Variants in RELN observed in about 807,000 individuals in gnomAD.
RELN encodes reelin.
Under a neutral mutation model 427.6 loss-of-function variants are expected in RELN, and 108 were observed. The observed-to-expected ratio is 0.25, with a 90% CI of 0.22 to 0.30. RELN has a LOEUF of 0.30. RELN is among the 10% of genes least tolerant of loss of function. The pLI is 1.00. For synonymous variants in RELN, 1,524 were observed against 1,513.4 expected, an observed-to-expected ratio of 1.01 and a Z score of -0.16; for missense variants, 3,715 against 4,302.8, an observed-to-expected ratio of 0.86 and a Z score of 3.82.
intron 20 of RELN, among the ~76,000 whole-genome samples, chr7:103,629,199 A>T (rs1832397724): frequency 6.6e-6 from 1 of 152,200 alleles, no homozygotes; most frequent in Non-Finnish European, 1.5e-5. Flanking sequence ...TTTCCTATGT[A>T]AAGTAGCCAG....
intron 2 of RELN, among the ~76,000 whole-genome samples, chr7:103,913,779 T>C (rs1479825331): frequency 2.0e-5 from 3 of 152,236 alleles, no homozygotes; most frequent in Non-Finnish European, 4.4e-5. Context: ...AAATTAACTT[T>C]GTTATATAAT....
rs1328422915 is a variant in RELN at position 103,596,673 on chromosome 7, G to T, written c.3334-12C>A. ...TGTCTTTTCCCAGCCTTTCAGAAAA[G>T]AAGAAAAATCAAATTCAGTAATCTG... is the stretch of plus-strand genomic sequence containing the variant. On this transcript the variant is annotated splice_polypyrimidine_tract_variant and intron_variant, in intron 24 of 64. Transcript: ENST00000428762. 6.2e-7 allele frequency: 1 copy of T among 1,612,508 alleles called. No homozygotes were observed. The highest frequency in any genetic ancestry group is 1.3e-5 in the African/African-American group (1 of 74,872).
chr7:103,726,628 C>A (rs922154562), intron 7 of RELN, among the ~76,000 whole-genome samples: 2 of 152,002 alleles, frequency 1.3e-5, no homozygotes, highest in Non-Finnish European at 2.9e-5. Context: ...GCATTATATT[C>A]TTAGATATTT....
At chr7:103,753,311 A>C in intron 4 of RELN, 97 bp from the exon 5 acceptor site, 1 of 1,265,814 alleles carries the variant, frequency 7.9e-7, no homozygotes. Flanking sequence ...CTTAAGTCAC[A>C]TTAAGCAAAT....
chr7:103,899,552 T>G (rs1795037151), intron 2 of RELN, among the ~76,000 whole-genome samples: 1 of 152,150 alleles, frequency 6.6e-6, no homozygotes, highest in Admixed American at 6.6e-5. Flanking sequence ...TATAAAATAC[T>G]AGCAAACCGA....
intron 33 of RELN, among the ~76,000 whole-genome samples, chr7:103,565,788 T>C (rs996944464): frequency 5.9e-5 from 9 of 152,232 alleles, no homozygotes; most frequent in African/African-American, 1.9e-4. Flanking sequence ...GCTAACATAT[T>C]ATCTTTAAAA....
At chr7:103,686,270 G>A (rs1833762842) in intron 10 of RELN, among the ~76,000 whole-genome samples, 2 of 152,128 alleles carry the variant, frequency 1.3e-5, no homozygotes, top group Non-Finnish European at 2.9e-5. Context: ...TTAAGGAGTT[G>A]TCACTCAGCC....
At chr7:103,687,352 A>G (rs1304010691) in intron 10 of RELN, among the ~76,000 whole-genome samples, 1 of 152,132 alleles carries the variant, frequency 6.6e-6, no homozygotes, top group African/African-American at 2.4e-5. Flanking sequence ...CTGCAAGATA[A>G]CATGGAGTGG....
chr7:103,656,122 C>T (rs1177237703), intron 12 of RELN, among the ~76,000 whole-genome samples: 1 of 151,978 alleles, frequency 6.6e-6, no homozygotes, highest in African/African-American at 2.4e-5. Context: ...TCTGATTGGC[C>T]AGGTGTCTTC....
chr7:103,557,123 A>G lies in RELN; in HGVS notation c.5651T>C (p.Phe1884Ser). The change falls in exon 38 of 65, where the codon TTC becomes TCC. Residue 1884 changes from phenylalanine (F) to serine (S), a missense_variant. By Grantham distance (155) the Phe-to-Ser change is radical (BLOSUM62 -2). Transcript: ENST00000428762. Reference sequence around the variant, plus strand: ...CCAAGTGATTCCTCCACTGATGGAGAATTGTAACAGAATAGAGTGAGATCT... The same window carrying G: ...CCAAGTGATTCCTCCACTGATGGAGGATTGTAACAGAATAGAGTGAGATCT... ...PERSHSILLQ[F>S]SISGGITWHL... is the part of the protein sequence containing the mutation. The G allele has an allele frequency of 6.2e-7, 1 of 1,613,688 alleles. No individual in the cohort carries two copies. The highest frequency in any genetic ancestry group is 8.5e-7 in the Non-Finnish European group (1 of 1,179,554).
intron 3 of RELN, among the ~76,000 whole-genome samples, chr7:103,797,116 G>T (rs754239808): frequency 1.3e-5 from 2 of 151,652 alleles, no homozygotes; most frequent in Non-Finnish European, 2.9e-5. Flanking sequence ...ACAGAGCGTC[G>T]CTCTTGTCAC....
chr7:103,760,211 A>G (rs920010168), intron 4 of RELN, among the ~76,000 whole-genome samples: 1 of 151,550 alleles, frequency 6.6e-6, no homozygotes, highest in Non-Finnish European at 1.5e-5. Flanking sequence ...TCCTCCCATC[A>G]TCAATTCAGT....
intron 4 of RELN, among the ~76,000 whole-genome samples, chr7:103,771,872 C>T (rs1006097784): frequency 2.0e-5 from 3 of 152,172 alleles, no homozygotes; most frequent in Admixed American, 6.5e-5. Context: ...ATCTGTCTTC[C>T]CTTGTCTGCC....
intron 2 of RELN, among the ~76,000 whole-genome samples, chr7:103,842,857 T>A (rs1460446754): frequency 6.6e-6 from 1 of 152,192 alleles, no homozygotes; most frequent in African/African-American, 2.4e-5. Context: ...CTTTCCTTAC[T>A]CAGTGCACTT....
At chr7:103,772,740 G>A (rs909923534) in intron 4 of RELN, among the ~76,000 whole-genome samples, 2 of 152,290 alleles carry the variant, frequency 1.3e-5, no homozygotes, top group South Asian at 2.1e-4. Flanking sequence ...ATGATAGAGC[G>A]AGGTGCATTC....
intron 2 of RELN, among the ~76,000 whole-genome samples, chr7:103,896,944 T>G (rs1448367253): frequency 6.6e-6 from 1 of 152,060 alleles, no homozygotes; most frequent in East Asian, 1.9e-4. Context: ...GGACTTGCAC[T>G]TCCACGTGGC....
At chr7:103,983,210 C>T (rs907926177) in intron 1 of RELN, among the ~76,000 whole-genome samples, 13 of 152,114 alleles carry the variant, frequency 8.5e-5, no homozygotes, top group Non-Finnish European at 1.6e-4. Flanking sequence ...ACACACACAT[C>T]CTCAAATACA....
intron 1 of RELN, among the ~76,000 whole-genome samples, chr7:103,978,573 T>G (rs1584416858): frequency 6.6e-6 from 1 of 152,346 alleles, no homozygotes; most frequent in Admixed American, 6.5e-5. Flanking sequence ...CAGGACAAAC[T>G]TGTTCGGATG....
intron 57 of RELN, among the ~76,000 whole-genome samples, chr7:103,493,469 G>C (rs1828732365): frequency 6.6e-6 from 1 of 152,192 alleles, no homozygotes; most frequent in Non-Finnish European, 1.5e-5. Flanking sequence ...CAAAGGTGTA[G>C]AAATGTGTAG....
Sources: gnomAD v4.1 joint callset for allele counts (sites outside exome capture counted in the v4.1 genomes callset) on GRCh38, gnomAD v4.1.1 for gene constraint, MANE v1.5 for transcripts, NCBI Gene and HGNC (gene_info 2026-07-23, HGNC 2026-07-21) for gene names.